The following STX1A variants were observed in gnomAD, a reference collection of about 807,000 sequenced individuals.
STX1A encodes syntaxin 1A.
A neutral mutation model predicts 37.8 loss-of-function variants in STX1A; 4 were observed. That is an observed-to-expected ratio of 0.11 (90% CI 0.05 to 0.24). STX1A has a LOEUF of 0.24. STX1A is among the 10% of genes least tolerant of loss of function. STX1A has a pLI of 1.00. For missense variants in STX1A, 251 were observed against 399.9 expected (o/e 0.63, Z 3.18); for synonymous variants, 135 against 147.4 (o/e 0.92, Z 0.61).
At chr7:73,701,303 A>C (rs556217447) in intron 8 of STX1A, 2 of 258,972 alleles carry the variant, frequency 7.7e-6, no homozygotes, top group African/African-American at 4.4e-5. Context: ...AGTCTTTAAG[A>C]ACTTGAAGTC....
chr7:73,701,830 C>T (rs1798669654), intron 8 of STX1A, among the ~76,000 whole-genome samples: 1 of 152,242 alleles, frequency 6.6e-6, no homozygotes. Context: ...TGGCTCACAT[C>T]TATGATCCCA....
chr7:73,700,882 T>C lies in STX1A; in HGVS notation c.679-42A>G, dbSNP rs781978960. 2 of 1,609,010 alleles carry C rather than the reference T, an allele frequency of 1.2e-6. No homozygotes were observed. The highest frequency in any genetic ancestry group is 3.3e-5 in the Admixed American group (2 of 59,860). On this transcript the variant is annotated intron_variant, in intron 8 of 9. Coordinates refer to ENST00000222812, the MANE Select transcript of STX1A (RefSeq NM_004603.4). This position sits in a 1 kb window ranked among gnomAD's most constrained non-coding sequence, Gnocchi z 4.4. Reference sequence around the variant, plus strand: ...ACCCGAGCTCCAGAGGGCCCCCTCCTCAGGGTTGGGTTGGGGCTCGGGGCA... The same window carrying C: ...ACCCGAGCTCCAGAGGGCCCCCTCCCCAGGGTTGGGTTGGGGCTCGGGGCA...
Position 73,717,185 on chromosome 7 carries a change from A to T in STX1A, c.30+2417T>A, listed in dbSNP as rs1799315360. ...CAAATGTGGTGGTGTTGGGTGGGGGAGAAGGAGAAAGAAGAGGGAGGAGGA... is the reference window on the plus strand; with the variant it reads ...CAAATGTGGTGGTGTTGGGTGGGGGTGAAGGAGAAAGAAGAGGGAGGAGGA... On this transcript the variant is annotated intron_variant, in intron 1 of 9. Coordinates refer to ENST00000222812, the MANE Select transcript of STX1A (RefSeq NM_004603.4). The surrounding 1 kb of genome is among the most constrained non-coding windows in gnomAD (Gnocchi z 4.1). Among the ~76,000 whole-genome samples the T allele has an allele frequency of 7.3e-6, 1 of 137,060 alleles. No homozygotes were observed. The highest frequency in any genetic ancestry group is 2.7e-5 in the African/African-American group (1 of 37,252). The allele number at this position is 137,060 out of a possible 152,430, so 89.9% of individuals were successfully genotyped here.
At position 73,704,185 on chromosome 7, in the gene STX1A, C is replaced by T. The variant is rs782782284; in HGVS notation, c.429G>A (p.Glu143=). Residue 143 remains glutamate, a synonymous_variant, in exon 6 of 10, where the codon GAG becomes GAA. Coordinates refer to ENST00000222812, the MANE Select transcript of STX1A (RefSeq NM_004603.4). ...EYNATQSDYR[E]RCKGRIQRQL... is the part of the protein sequence containing the mutation. Reference sequence around the variant, plus strand: ...GCCTCTGGATGCGGCCTTTGCAGCGCTCGCGGTAGTCGGACTGCGTGGCGT... The same window carrying T: ...GCCTCTGGATGCGGCCTTTGCAGCGTTCGCGGTAGTCGGACTGCGTGGCGT... The T allele has an allele frequency of 4.3e-5, 70 of 1,613,012 alleles. No homozygotes were observed. Among genetic ancestry groups the T allele is most frequent in the Non-Finnish European group, 5.9e-5 (70 of 1,179,986 alleles).
chr7:73,701,184 TG>T (rs1554615838), intron 8 of STX1A: 1 of 565,968 alleles, frequency 1.8e-6, no homozygotes, highest in African/African-American at 1.9e-5. Context: ...TGCTGGAGTC[TG>T]GTCCTGCCCT....
At position 73,708,595 on chromosome 7, in the gene STX1A, C is replaced by T. The variant is rs782309912; in HGVS notation, c.202G>A (p.Asp68Asn). Residue 68 changes from aspartate to asparagine, a missense_variant, in exon 3 of 10, where the codon GAT (aspartate) becomes AAT (asparagine). Asp to Asn is a conservative substitution (Grantham distance 23). Transcript: ENST00000222812. ...HSAILASPNP[D>N]EKTKEELEEL... ...CCCCGCCCCACACACTCACTCTCATCGGGGTTGGGGGATGCCAGGATGGCA... is the reference window on the plus strand; with the variant it reads ...CCCCGCCCCACACACTCACTCTCATTGGGGTTGGGGGATGCCAGGATGGCA... 7 of 1,613,712 alleles carry T rather than the reference C, an allele frequency of 4.3e-6. No individual in the cohort carries two copies. Among genetic ancestry groups the T allele is most frequent in the South Asian group, 2.2e-5 (2 of 91,008 alleles).
At chr7:73,712,667 C>G (rs933490866) in intron 1 of STX1A, among the ~76,000 whole-genome samples, 1 of 152,164 alleles carries the variant, frequency 6.6e-6, no homozygotes, top group Admixed American at 6.5e-5. Context: ...TCGGGCAGCC[C>G]CAACTGTTAG....
Position 73,715,871 on chromosome 7 carries a change from C to T in STX1A, c.30+3731G>A, listed in dbSNP as rs145751503. Among the ~76,000 whole-genome samples, 170 of 152,334 alleles carry T rather than the reference C, an allele frequency of 1.1e-3. No individual in the cohort carries two copies. The Middle Eastern group carries it at 0.017, about 15-fold the overall frequency. On this transcript the variant is annotated intron_variant, in intron 1 of 9. Coordinates refer to ENST00000222812, the MANE Select transcript of STX1A (RefSeq NM_004603.4). ...TGTGCGAGAGGCCAAGCTGGGTCTC[C>T]AGGAAAGACGGCTGTGCAATCTGAG...
At position 73,705,262 on chromosome 7, in the gene STX1A, C is replaced by T. The variant is rs782559213; in HGVS notation, c.209-38G>A. On this transcript the variant is annotated intron_variant, in intron 3 of 9. Coordinates refer to ENST00000222812, the MANE Select transcript of STX1A (RefSeq NM_004603.4). This position sits in a 1 kb window ranked among gnomAD's most constrained non-coding sequence, Gnocchi z 5.2. Reference sequence around the variant, plus strand: ...AAAGGGTGGGGGTAGGCCTCCTAGGCTCCGCGGGGACTGATGTGCAGGCTC... The same window carrying T: ...AAAGGGTGGGGGTAGGCCTCCTAGGTTCCGCGGGGACTGATGTGCAGGCTC... The T allele has an allele frequency of 5.1e-6, 8 of 1,567,188 alleles. No homozygotes were observed. The South Asian group carries it at 8.9e-5, about 17-fold the overall frequency.
rs1554615532 is a variant in STX1A, at chr7:73,699,858, GGGAGCCT to G, written c.*542_*548del. On this transcript the variant is annotated 3_prime_UTR_variant, in exon 10 of 10. Transcript: ENST00000222812. Reference sequence around the variant, plus strand: ...ATGGACTTTGCCCCTAGGCAGGGGAGGGAGCCTGGAGCCATGGCAGCCTGAGCCTCCC... The same window carrying G: ...ATGGACTTTGCCCCTAGGCAGGGGAGGGAGCCATGGCAGCCTGAGCCTCCC... 1 of 161,276 alleles carries G rather than the reference GGGAGCCT, an allele frequency of 6.2e-6. No individual in the cohort carries two copies. Among genetic ancestry groups the G allele is most frequent in the African/African-American group, 2.4e-5 (1 of 41,626 alleles). The allele number at this position is 161,276 out of a possible 1,614,324, so 10.0% of individuals were successfully genotyped here. A position where few individuals can be genotyped will look rare whatever the true frequency, so the allele number is the denominator to read the frequency against.
intron 1 of STX1A, among the ~76,000 whole-genome samples, chr7:73,714,258 G>A (rs1799206074): frequency 6.6e-6 from 1 of 151,982 alleles, no homozygotes; most frequent in Non-Finnish European, 1.5e-5. Flanking sequence ...ACAGGCACCC[G>A]CACCACACCC....
rs1798558537 is a variant in STX1A, at chr7:73,699,252, G to A, written c.*1155C>T. On this transcript the variant is annotated 3_prime_UTR_variant, in exon 10 of 10. Coordinates refer to ENST00000222812, the MANE Select transcript of STX1A (RefSeq NM_004603.4). ...ATTCTACATAAAAATTTCACAAAAT[G>A]GGCAGCTGGTTGTACCAAGACCTTT... The A allele has an allele frequency of 6.5e-6, 1 of 152,680 alleles. No homozygotes were observed. Among genetic ancestry groups the A allele is most frequent in the Non-Finnish European group, 1.5e-5 (1 of 68,064 alleles). 9.5% of individuals were successfully genotyped at this position (152,680 alleles called of 1,614,324 possible).
chr7:73,719,019 G>C (rs1799397614), intron 1 of STX1A, among the ~76,000 whole-genome samples: 1 of 151,864 alleles, frequency 6.6e-6, no homozygotes, highest in African/African-American at 2.4e-5. Context: ...AGCAGAGGGG[G>C]AGCCACAGGT....
rs567933173 is a variant in STX1A, at chr7:73,706,609, A to T, written c.209-1385T>A. On this transcript the variant is annotated intron_variant, in intron 3 of 9. Coordinates refer to ENST00000222812, the MANE Select transcript of STX1A (RefSeq NM_004603.4). The surrounding 1 kb of genome is among the most constrained non-coding windows in gnomAD (Gnocchi z 4.6). The stretch of plus-strand genomic sequence containing the variant: ...ACTGTGCATGACACCGCAGCAGGAG[A>T]CGGTGCAGGAGGTGGCCTGCAGGAG... 6.6e-6 allele frequency among the ~76,000 whole-genome samples: 1 copy of T among 152,140 alleles called. No individual in the cohort carries two copies. The highest frequency in any genetic ancestry group is 1.5e-5 in the Non-Finnish European group (1 of 67,982).
intron 4 of STX1A, 164 bp from the exon 5 acceptor site, chr7:73,704,587 G>A: frequency 1.3e-6 from 1 of 787,486 alleles, no homozygotes; most frequent in African/African-American, 1.7e-5. Context: ...GCCTACAGAA[G>A]CCCTTCCAGC....
chr7:73,718,282 A>G (rs1350908447), intron 1 of STX1A, among the ~76,000 whole-genome samples: 1 of 152,134 alleles, frequency 6.6e-6, no homozygotes, highest in Non-Finnish European at 1.5e-5. Flanking sequence ...GTCTGGAGGC[A>G]AAGTGGAGGC....
At chr7:73,703,613 C>T (rs1798749660) in intron 7 of STX1A, 142 bp downstream of exon 7, 3 of 999,442 alleles carry the variant, frequency 3.0e-6, no homozygotes, top group Non-Finnish European at 4.7e-6. Flanking sequence ...TGGTGTTTTC[C>T]CCTCTCTGGG....
chr7:73,703,516 GC>G (rs1554616239), intron 7 of STX1A: 1 of 691,606 alleles, frequency 1.4e-6, no homozygotes, highest in South Asian at 1.5e-5. Context: ...GCCGCTGGCC[GC>G]CGGCGAAAGT....
chr7:73,709,005 C>T lies in STX1A; in HGVS notation c.108+40G>A. ...AGAGGCGAGAGTGGCCCCCCAAGTT[C>T]TGCCAGTGTGCGGGAAGGGTGGGGT... On this transcript the variant is annotated intron_variant, in intron 2 of 9. Coordinates refer to ENST00000222812, the MANE Select transcript of STX1A (RefSeq NM_004603.4). This position sits in a 1 kb window ranked among gnomAD's most constrained non-coding sequence, Gnocchi z 4.2. The T allele has an allele frequency of 6.2e-7, 1 of 1,610,324 alleles. No individual in the cohort carries two copies.
Sources: gnomAD v4.1 joint callset for allele counts (sites outside exome capture counted in the v4.1 genomes callset) on GRCh38, gnomAD v4.1.1 for gene constraint, Gnocchi (gnomAD v3.1) non-coding constraint, MANE v1.5 for transcripts, NCBI Gene and HGNC (gene_info 2026-07-23, HGNC 2026-07-21) for gene names.